Variants in PPIE observed in about 807,000 individuals in gnomAD.
PPIE encodes the protein peptidylprolyl isomerase E.
In PPIE, 20 loss-of-function variants were observed where a neutral mutation model predicts 38.4. That is an observed-to-expected ratio of 0.52 (90% confidence interval 0.37 to 0.76). PPIE has a LOEUF of 0.76. PPIE is among the 30% of genes least tolerant of loss of function. The probability of loss-of-function intolerance (pLI) is 0.00; values close to 1 mark genes in which losing one functional copy is unlikely to be tolerated. For synonymous variants in PPIE, 142 were observed against 135.7 expected (o/e 1.05, Z -0.32); for missense variants, 322 against 385.8 (o/e 0.83, Z 1.39).
rs1247650490 is a variant in PPIE, at chr1:39,753,846, C to T, written c.*491C>T. On this transcript the variant is annotated 3_prime_UTR_variant, in exon 10 of 10. Coordinates refer to ENST00000324379, the MANE Select transcript of PPIE (RefSeq NM_006112.4). Reference sequence around the variant, plus strand: ...CCCTTGGGCCGATCCCCTTAGATGTCAGGTGATGTATCTTCACACCAGGCA... The same window carrying T: ...CCCTTGGGCCGATCCCCTTAGATGTTAGGTGATGTATCTTCACACCAGGCA... 2 of 986,734 alleles carry T rather than the reference C, an allele frequency of 2.0e-6. No homozygotes were observed. The highest frequency in any genetic ancestry group is 2.4e-6 in the Non-Finnish European group (2 of 830,992). 61.1% of individuals were successfully genotyped at this position (986,734 alleles called of 1,614,324 possible).
chr1:39,756,515 C>T lies in PPIE; in HGVS notation c.*3160C>T, dbSNP rs1053542741. On this transcript the variant is annotated 3_prime_UTR_variant, in exon 10 of 10. Coordinates refer to ENST00000324379, the MANE Select transcript of PPIE (RefSeq NM_006112.4). ...ACAGCATGACAGCCGCCTCCAGGTGCTCCCAGCATCTGTTGCAGTCATGGC... is the reference window on the plus strand; with the variant it reads ...ACAGCATGACAGCCGCCTCCAGGTGTTCCCAGCATCTGTTGCAGTCATGGC... 9.1e-6 allele frequency: 9 copies of T among 985,292 alleles called. No individual in the cohort carries two copies. The African/African-American group carries it at 1.4e-4, about 15-fold the overall frequency. 61.0% of individuals were successfully genotyped at this position (985,292 alleles called of 1,614,324 possible).
Position 39,755,959 on chromosome 1 carries a change from C to G in PPIE, c.*2604C>G. On this transcript the variant is annotated 3_prime_UTR_variant, in exon 10 of 10. Transcript: ENST00000324379. Reference sequence around the variant, plus strand: ...CCTGGGAGGTTTACTAGGCTTTAGCCTCAATCTGTGGCGGCAGGGTCCACA... The same window carrying G: ...CCTGGGAGGTTTACTAGGCTTTAGCGTCAATCTGTGGCGGCAGGGTCCACA... 2 of 985,432 alleles carry G rather than the reference C, an allele frequency of 2.0e-6. No individual in the cohort carries two copies. Among genetic ancestry groups the G allele is most frequent in the Non-Finnish European group, 2.4e-6 (2 of 829,928 alleles). The allele number at this position is 985,432 out of a possible 1,614,324, so 61.0% of individuals were successfully genotyped here. A position where few individuals can be genotyped will look rare whatever the true frequency, so the allele number is the denominator to read the frequency against.
intron 7 of PPIE, 110 bp downstream of exon 7, chr1:39,745,608 A>G: frequency 6.5e-7 from 1 of 1,539,608 alleles, no homozygotes. Flanking sequence ...CTTCTGACCT[A>G]AGTTGATTTG....
rs574220472 is a variant in PPIE at position 39,753,705 on chromosome 1, C to T, written c.*350C>T. On this transcript the variant is annotated 3_prime_UTR_variant, in exon 10 of 10. Transcript: ENST00000324379. ...AAAATAAACCCTAGTTCTTATATTG[C>T]TCTTCCTGCTAGTTCTTGGGAGTTG... The T allele has an allele frequency of 3.2e-5, 34 of 1,060,870 alleles. No homozygotes were observed. The highest frequency in any genetic ancestry group is 7.7e-5 in the East Asian group (1 of 13,010). The allele number at this position is 1,060,870 out of a possible 1,614,324, so 65.7% of individuals were successfully genotyped here.
At chr1:39,739,434 G>A in intron 1 of PPIE, 1 of 150,196 alleles carries the variant, frequency 6.7e-6, no homozygotes, top group African/African-American at 2.4e-5. Context: ...TGCAGCGACG[G>A]CTCAGCCCCA....
intron 9 of PPIE, chr1:39,763,267 C>T: frequency 6.8e-7 from 1 of 1,466,100 alleles, no homozygotes. Flanking sequence ...GGGCCCAAAC[C>T]CATCCTCCAG....
At chr1:39,760,644 C>A, downstream of PPIE, 1 of 1,519,906 alleles carries the variant, frequency 6.6e-7, no homozygotes, top group Non-Finnish European at 8.8e-7. Context: ...CCCACCCCAG[C>A]TCCACCTGCT....
chr1:39,747,206 G>T (rs9787249), intron 7 of PPIE: 1 of 152,006 alleles, frequency 6.6e-6, no homozygotes, highest in African/African-American at 2.4e-5. Flanking sequence ...ATTTGTTGAT[G>T]GGCACTTGCA....
In PPIE at chr1:39,753,375, C is replaced by T. The variant is rs759914158; in HGVS notation, c.*20C>T. The T allele has an allele frequency of 6.2e-6, 10 of 1,611,990 alleles. No homozygotes were observed. Among genetic ancestry groups the T allele is most frequent in the Non-Finnish European group, 8.5e-6 (10 of 1,178,810 alleles). On this transcript the variant is annotated 3_prime_UTR_variant, in exon 10 of 10. Coordinates refer to ENST00000324379, the MANE Select transcript of PPIE (RefSeq NM_006112.4). ...GTGTGAGGCGGCACTCTCTCTGCTTCCCCCTCCGCTCTTGACCCTGCATAT... is the reference window on the plus strand; with the variant it reads ...GTGTGAGGCGGCACTCTCTCTGCTTTCCCCTCCGCTCTTGACCCTGCATAT...
chr1:39,760,552 G>A, downstream of PPIE: 1 of 1,613,884 alleles, frequency 6.2e-7, no homozygotes, highest in South Asian at 1.1e-5. Context: ...GACTGCGTCT[G>A]GCATCATCAG....
chr1:39,758,692 A>C (rs1238853934), downstream of PPIE: 1 of 152,316 alleles, frequency 6.6e-6, no homozygotes, highest in East Asian at 1.9e-4. Context: ...GGCGCAGATA[A>C]GGAAGCCACC....
At position 39,755,247 on chromosome 1, in the gene PPIE, C is replaced by G; in HGVS notation, c.*1892C>G. 6 of 985,444 alleles carry G rather than the reference C, an allele frequency of 6.1e-6. No individual in the cohort carries two copies. The highest frequency in any genetic ancestry group is 7.2e-6 in the Non-Finnish European group (6 of 829,934). The allele number at this position is 985,444 out of a possible 1,614,324, so 61.0% of individuals were successfully genotyped here. A position where few individuals can be genotyped will look rare whatever the true frequency, so the allele number is the denominator to read the frequency against. On this transcript the variant is annotated 3_prime_UTR_variant, in exon 10 of 10. Transcript: ENST00000324379. ...ACCATTCAGAATCCACTGAGCTGAG[C>G]TTTTGCATCTTGGATTGAGATCTGG...
chr1:39,745,130 T>C (rs1024431796), intron 6 of PPIE, among the ~76,000 whole-genome samples: 4 of 152,218 alleles, frequency 2.6e-5, no homozygotes, highest in African/African-American at 9.6e-5. Flanking sequence ...CATGATGAGA[T>C]AACACCCCCG....
intron 4 of PPIE, chr1:39,742,990 C>T (rs992351702): frequency 2.9e-5 from 13 of 456,020 alleles, no homozygotes; most frequent in Admixed American, 1.8e-4. Context: ...GTTCTGAACC[C>T]AGAGTTACTT....
intron 6 of PPIE, among the ~76,000 whole-genome samples, chr1:39,744,978 T>C (rs965065745): frequency 6.6e-6 from 1 of 152,150 alleles, no homozygotes; most frequent in African/African-American, 2.4e-5. Flanking sequence ...AGGTGGTACA[T>C]GGATGGGTCT....
At chr1:39,751,248 C>T (rs544014413) in intron 8 of PPIE, among the ~76,000 whole-genome samples, 6 of 152,302 alleles carry the variant, frequency 3.9e-5, no homozygotes, top group African/African-American at 1.4e-4. Context: ...CAAAAGCACT[C>T]CAAAACTTTG....
chr1:39,743,401 C>T (rs1236517808), intron 5 of PPIE, 104 bp downstream of exon 5: 1 of 983,596 alleles, frequency 1.0e-6, no homozygotes, highest in African/African-American at 1.6e-5. Context: ...ATGCTGCTTC[C>T]TGGTAGATAG....
chr1:39,763,527 C>T (rs1313732617), intron 9 of PPIE, among the ~76,000 whole-genome samples: 1 of 143,708 alleles, frequency 7.0e-6, no homozygotes, highest in Admixed American at 6.8e-5. Flanking sequence ...TTAAAAAAAA[C>T]AAAAAACTGA....
intron 5 of PPIE, among the ~76,000 whole-genome samples, chr1:39,743,539 T>G (rs1279802910): frequency 6.6e-6 from 1 of 152,236 alleles, no homozygotes; most frequent in Non-Finnish European, 1.5e-5. Context: ...TGAGCTCATC[T>G]TTCCCAGTTT....
Sources: gnomAD v4.1 joint callset for allele counts (sites outside exome capture counted in the v4.1 genomes callset) on GRCh38, gnomAD v4.1.1 for gene constraint, MANE v1.5 for transcripts, NCBI Gene and HGNC (gene_info 2026-07-23, HGNC 2026-07-21) for gene names.